DMD: variants seen among roughly 807,000 people sequenced by gnomAD.
DMD encodes the protein mutant dystrophin.
A neutral mutation model predicts 330.1 loss-of-function variants in DMD; 63 were observed. The observed-to-expected ratio is 0.19, with a 90% CI of 0.16 to 0.24. The LOEUF (loss-of-function observed/expected upper bound fraction) is 0.24, where lower values mean the gene tolerates loss of function less well. Among genes scored for constraint, DMD ranks in the 10% least tolerant of loss-of-function variants. DMD has a pLI of 1.00. For synonymous variants in DMD, 1,223 were observed against 959.8 expected (o/e 1.27, Z -5.07); for missense variants, 3,344 against 2,684.1 (o/e 1.25, Z -5.43).
intron 67 of DMD, among the ~76,000 whole-genome samples, chrX:31,203,633 C>T (rs1198637596): frequency 8.9e-6 from 1 of 112,368 alleles, no homozygotes; most frequent in East Asian, 2.8e-4. Flanking sequence ...CTAAGAGACT[C>T]GCCTACAAAG....
chrX:31,364,863 C>T (rs1406774162), intron 60 of DMD, among the ~76,000 whole-genome samples: 1 of 110,593 alleles, frequency 9.0e-6, no homozygotes, highest in Non-Finnish European at 1.9e-5. Flanking sequence ...TTTGGGAGGC[C>T]GAGGCGGGCA....
chrX:31,641,364 G>A (rs1003980677), intron 54 of DMD, among the ~76,000 whole-genome samples: 5 of 109,843 alleles, frequency 4.6e-5, no homozygotes, highest in Non-Finnish European at 7.6e-5. Flanking sequence ...TTAGCAGGGC[G>A]TGGTGGTGGG....
At chrX:32,747,863 G>A (rs1329706335) in intron 7 of DMD, among the ~76,000 whole-genome samples, 1 of 111,250 alleles carries the variant, frequency 9.0e-6, no homozygotes, top group East Asian at 2.8e-4. Flanking sequence ...GAAAAAATTA[G>A]AAAAGTTGAC....
chrX:32,757,904 G>A (rs1426075387), intron 7 of DMD, among the ~76,000 whole-genome samples: 2 of 111,470 alleles, frequency 1.8e-5, no homozygotes, highest in Non-Finnish European at 3.8e-5. Context: ...TCCTGTTTCT[G>A]CTGTTAGAGG....
At chrX:31,688,902 C>T (rs1298626236) in intron 52 of DMD, among the ~76,000 whole-genome samples, 1 of 111,642 alleles carries the variant, frequency 9.0e-6, no homozygotes, top group Non-Finnish European at 1.9e-5. Context: ...AGAAAAGGCC[C>T]TTGACCAAAT....
intron 43 of DMD, among the ~76,000 whole-genome samples, chrX:32,269,495 T>G (rs925657408): frequency 1.2e-4 from 13 of 111,785 alleles, no homozygotes; most frequent in African/African-American, 4.2e-4. Flanking sequence ...TTATGCCTCC[T>G]TGGTCGAATT....
chrX:32,023,469 C>A (rs1004182543), intron 44 of DMD, among the ~76,000 whole-genome samples: 3 of 111,445 alleles, frequency 2.7e-5, no homozygotes, highest in African/African-American at 9.8e-5. Flanking sequence ...GTATGTCTCA[C>A]TCTGTCAATA....
In DMD at chrX:32,082,294, G is replaced by A. The variant is rs762594209; in HGVS notation, c.6439-113780C>T. 9.0e-5 allele frequency among the ~76,000 whole-genome samples: 10 copies of A among 111,077 alleles called. No homozygotes were observed. The Admixed American group carries it at 9.6e-4, about 11-fold the overall frequency. Reference sequence around the variant, plus strand: ...GGCTGGAGTGCAGTGGCAGGAGGGAGCACAGCTCACCATAGACTTGACCTC... The same window carrying A: ...GGCTGGAGTGCAGTGGCAGGAGGGAACACAGCTCACCATAGACTTGACCTC... On this transcript the variant is annotated intron_variant, in intron 44 of 78. Coordinates refer to ENST00000357033, the MANE Select transcript of DMD (RefSeq NM_004006.3).
rs190672244 is a variant in DMD at position 32,741,379 on chromosome X, A to G, written c.650-42086T>C. 4.6e-3 allele frequency among the ~76,000 whole-genome samples: 515 copies of G among 111,127 alleles called. 2 individuals carry two copies. The highest frequency in any genetic ancestry group is 0.015 in the African/African-American group (456 of 30,592). ...CAATATATTTTTTCAAACCTTTGTC[A>G]CTCACTGTCAGTTAGGATTCGAAAC... On this transcript the variant is annotated intron_variant, in intron 7 of 78. Transcript: ENST00000357033.
intron 9 of DMD, among the ~76,000 whole-genome samples, chrX:32,646,201 G>A (rs1045291331): frequency 5.4e-5 from 6 of 111,600 alleles, no homozygotes; most frequent in Non-Finnish European, 9.4e-5. Flanking sequence ...CAAGTGACAG[G>A]AGAGGCTTCT....
At chrX:32,413,515 C>T (rs1405510815) in intron 29 of DMD, among the ~76,000 whole-genome samples, 1 of 109,752 alleles carries the variant, frequency 9.1e-6, no homozygotes, top group Non-Finnish European at 1.9e-5. Context: ...TTCTCTCTCT[C>T]TCCATTGTCT....
intron 43 of DMD, among the ~76,000 whole-genome samples, chrX:32,252,677 AATATAT>A (rs766322442): frequency 3.0e-5 from 1 of 33,576 alleles, no homozygotes. Context: ...TATATATATA[AATATAT>A]AAATATATAT....
chrX:32,819,259 A>G (rs574071297), intron 5 of DMD, among the ~76,000 whole-genome samples: 1 of 111,132 alleles, frequency 9.0e-6, no homozygotes, highest in Non-Finnish European at 1.9e-5. Context: ...GGCTTTCAGC[A>G]GTGCGAACGT....
intron 1 of DMD, among the ~76,000 whole-genome samples, chrX:33,118,112 C>CTTTTTT (rs373799098): frequency 1.1e-5 from 1 of 90,425 alleles, no homozygotes; most frequent in Non-Finnish European, 2.1e-5. Context: ...GTTCAAGACT[C>CTTTTTT]TTTTTTTTTT....
intron 18 of DMD, among the ~76,000 whole-genome samples, chrX:32,513,991 A>G (rs1221069133): frequency 8.9e-6 from 1 of 111,857 alleles, no homozygotes; most frequent in African/African-American, 3.3e-5. Context: ...AGAGGGATTG[A>G]GTAAGATAAG....
intron 55 of DMD, among the ~76,000 whole-genome samples, chrX:31,524,176 A>T (rs747650187): frequency 2.3e-4 from 26 of 112,138 alleles, no homozygotes; most frequent in Non-Finnish European, 4.9e-4. Flanking sequence ...CCTTCAGCTT[A>T]TCAAAGAAGT....
chrX:32,575,164 A>G (rs1318949080), intron 13 of DMD, among the ~76,000 whole-genome samples: 1 of 111,303 alleles, frequency 9.0e-6, no homozygotes, highest in Non-Finnish European at 1.9e-5. Flanking sequence ...TCCCAAAGTG[A>G]TGGGATTACA....
intron 17 of DMD, among the ~76,000 whole-genome samples, chrX:32,520,070 G>C (rs1197348003): frequency 2.7e-5 from 3 of 111,533 alleles, no homozygotes; most frequent in African/African-American, 9.8e-5. Flanking sequence ...TAGGGATCCT[G>C]ATTCCTCTAA....
chrX:33,180,330 T>C (rs764492691), intron 1 of DMD, among the ~76,000 whole-genome samples: 6 of 111,723 alleles, frequency 5.4e-5, no homozygotes, highest in Non-Finnish European at 9.4e-5. Context: ...CAGAATACTT[T>C]CTTATATTCT....
Sources: gnomAD v4.1 joint callset for allele counts (sites outside exome capture counted in the v4.1 genomes callset) on GRCh38, gnomAD v4.1.1 for gene constraint, MANE v1.5 for transcripts, NCBI Gene and HGNC (gene_info 2026-07-23, HGNC 2026-07-21) for gene names.